The following SLC16A3 variants were observed in gnomAD, a reference collection of about 807,000 sequenced individuals.
SLC16A3 encodes the protein monocarboxylate transporter 4.
Under a neutral mutation model 25.0 loss-of-function variants are expected in SLC16A3, and 22 were observed. The ratio of observed to expected loss-of-function variants is 0.88; its 90% confidence interval spans 0.63 to 1.26. The LOEUF is 1.26. Among genes scored for constraint, SLC16A3 ranks in the 50% most tolerant of loss-of-function variants. The pLI is 0.00. For missense variants in SLC16A3, 731 were observed against 666.6 expected (o/e 1.10, Z -1.06); for synonymous variants, 390 against 309.2 (o/e 1.26, Z -2.74).
chr17:82,238,935 A>C lies in SLC16A3; in HGVS notation c.1357A>C (p.Lys453Gln), dbSNP rs1427874004. The change falls in exon 5 of 5, where the codon AAA (lysine) becomes CAA (glutamine). Residue 453 changes from lysine to glutamine, a missense_variant. By Grantham distance (53) the Lys-to-Gln change is moderately conservative. Transcript: ENST00000582743. ...GCATTTCCTGAAGGCTGAGCCTGAG[A>C]AAAACGGGGAGGTGGTTCACACCCC... ...VEHFLKAEPE[K>Q]NGEVVHTPET... 6.4e-7 allele frequency: 1 copy of C among 1,568,278 alleles called. No individual in the cohort carries two copies. Among genetic ancestry groups the C allele is most frequent in the Non-Finnish European group, 8.7e-7 (1 of 1,151,446 alleles).
Position 82,237,821 on chromosome 17 carries a change from A to G in SLC16A3, c.1051A>G (p.Lys351Glu). 2 of 1,609,342 alleles carry G rather than the reference A, an allele frequency of 1.2e-6. No homozygotes were observed. The highest frequency in any genetic ancestry group is 2.2e-5 in the East Asian group (1 of 44,876). The change falls in exon 4 of 5, where the codon AAG becomes GAG. Residue 351 changes from lysine (K) to glutamate (E), a missense_variant. By Grantham distance (56) the Lys-to-Glu change is moderately conservative. Coordinates refer to ENST00000582743, the MANE Select transcript of SLC16A3 (RefSeq NM_004207.4). ...GCTCATGGCCATCGTGGGCACCCAC[A>G]AGTTCTCCAGTGCCATTGGCCTGGT... ...EVLMAIVGTH[K>E]FSSAIGLVLL...
chr17:82,227,857 G>A (rs2050436899), upstream of SLC16A3, among the ~76,000 whole-genome samples: 1 of 152,218 alleles, frequency 6.6e-6, no homozygotes, highest in Non-Finnish European at 1.5e-5. Context: ...GTGAATGCCA[G>A]CGGGAGGGTG....
chr17:82,233,728 C>T (rs948111669), intron 1 of SLC16A3: 3 of 152,284 alleles, frequency 2.0e-5, no homozygotes, highest in African/African-American at 7.2e-5. Context: ...AAAGTGCAAA[C>T]TTGCAACCCC....
In SLC16A3 at chr17:82,238,940, C is replaced by A. The variant is rs112638041; in HGVS notation, c.1362C>A (p.Asn454Lys). The A allele has an allele frequency of 6.4e-7, 1 of 1,564,034 alleles. No homozygotes were observed. The highest frequency in any genetic ancestry group is 8.7e-7 in the Non-Finnish European group (1 of 1,148,854). The change falls in exon 5 of 5, where the codon AAC (asparagine) becomes AAA (lysine). Residue 454 changes from asparagine to lysine, a missense_variant. Asn to Lys is a moderately conservative substitution (Grantham distance 94). Coordinates refer to ENST00000582743, the MANE Select transcript of SLC16A3 (RefSeq NM_004207.4). ...TCCTGAAGGCTGAGCCTGAGAAAAACGGGGAGGTGGTTCACACCCCGGAAA... is the reference window on the plus strand; with the variant it reads ...TCCTGAAGGCTGAGCCTGAGAAAAAAGGGGAGGTGGTTCACACCCCGGAAA... ...EHFLKAEPEK[N>K]GEVVHTPETS...
chr17:82,230,555 G>C (rs1268111569), intron 1 of SLC16A3: 4 of 152,656 alleles, frequency 2.6e-5, no homozygotes, highest in African/African-American at 7.2e-5. Context: ...CAGCCGTCAG[G>C]CCGGACGGGT....
At position 82,237,753 on chromosome 17, in the gene SLC16A3, T is replaced by C. The variant is rs2050647407; in HGVS notation, c.983T>C (p.Phe328Ser). 6.2e-7 allele frequency: 1 copy of C among 1,612,074 alleles called. No homozygotes were observed. Among genetic ancestry groups the C allele is most frequent in the Non-Finnish European group, 8.5e-7 (1 of 1,179,982 alleles). The stretch of plus-strand genomic sequence containing the variant: ...GGCCTCGTGGTCTTCTGCATCTTCT[T>C]TGGCATCTCCTACGGCATGGTGGGG... ...YGGLVVFCIF[F>S]GISYGMVGAL... The change falls in exon 4 of 5, where the codon TTT (phenylalanine) becomes TCT (serine). Residue 328 changes from phenylalanine (F) to serine (S), a missense_variant. Coordinates refer to ENST00000582743, the MANE Select transcript of SLC16A3 (RefSeq NM_004207.4).
Position 82,237,826 on chromosome 17 carries a change from C to T in SLC16A3, c.1056C>T (p.Phe352=). The T allele has an allele frequency of 6.2e-7, 1 of 1,608,824 alleles. No homozygotes were observed. Among genetic ancestry groups the T allele is most frequent in the Non-Finnish European group, 8.5e-7 (1 of 1,179,928 alleles). Residue 352 remains phenylalanine (F), a synonymous_variant, in exon 4 of 5, where the codon TTC becomes TTT. Transcript: ENST00000582743. The part of the protein sequence containing the change: ...VLMAIVGTHK[F]SSAIGLVLLM... ...TGGCCATCGTGGGCACCCACAAGTTCTCCAGTGCCATTGGCCTGGTGCTGC... is the reference window on the plus strand; with the variant it reads ...TGGCCATCGTGGGCACCCACAAGTTTTCCAGTGCCATTGGCCTGGTGCTGC...
In SLC16A3 at chr17:82,237,393, C is replaced by CG. The variant is rs2050631596; in HGVS notation, c.627dup (p.Pro210AlafsTer65). 6.5e-7 allele frequency: 1 copy of CG among 1,548,094 alleles called. No individual in the cohort carries two copies. The highest frequency in any genetic ancestry group is 8.7e-7 in the Non-Finnish European group (1 of 1,145,924). ...CTGGTGGTCACGGCCCAGCCGGGCT[C>CG]GGGGCCGCCGCGACCCTCCCGGCGC... On this transcript the variant is annotated frameshift_variant, in exon 4 of 5. Transcript: ENST00000582743. LOFTEE classifies it high-confidence loss of function.
intron 1 of SLC16A3, among the ~76,000 whole-genome samples, chr17:82,232,921 G>C (rs969904725): frequency 8.6e-5 from 13 of 150,758 alleles, no homozygotes; most frequent in Non-Finnish European, 1.8e-4. Context: ...GGGGCGGCGG[G>C]GGGGGGGTTG....
chr17:82,236,132 G>T lies in SLC16A3; in HGVS notation c.124G>T (p.Val42Phe). 7 of 1,613,258 alleles carry T rather than the reference G, an allele frequency of 4.3e-6. No homozygotes were observed. The highest frequency in any genetic ancestry group is 5.9e-6 in the Non-Finnish European group (7 of 1,179,972). Residue 42 changes from valine to phenylalanine, a missense_variant, in exon 2 of 5, where the codon GTC becomes TTC. Physicochemically the swap from Val to Phe is conservative, Grantham distance 50 (BLOSUM62 -1). Transcript: ENST00000582743. ...TGFSYAFPKA[V>F]SVFFKELIQE... ...CTTCTCCTACGCCTTCCCCAAGGCC[G>T]TCAGTGTCTTCTTCAAGGAGCTCAT...
At chr17:82,234,549 C>T (rs955070296) in intron 1 of SLC16A3, 5 of 152,192 alleles carry the variant, frequency 3.3e-5, no homozygotes, top group South Asian at 2.1e-4. Context: ...ACAGTGACTT[C>T]GTGGAACACT....
chr17:82,234,584 C>G (rs1456194440), intron 1 of SLC16A3: 1 of 152,208 alleles, frequency 6.6e-6, no homozygotes, highest in East Asian at 1.9e-4. Flanking sequence ...AAACCATCCT[C>G]GGACCTCTGA....
In SLC16A3 at chr17:82,238,665, C is replaced by T. The variant is rs551250664; in HGVS notation, c.1124-37C>T. ...GGAGCCGTGGGCCCTGGGGGCAGCC[C>T]GCATGAGCGGCTGGGACTGACGGGG... On this transcript the variant is annotated intron_variant, in intron 4 of 4. Coordinates refer to ENST00000582743, the MANE Select transcript of SLC16A3 (RefSeq NM_004207.4). The T allele has an allele frequency of 3.0e-5, 47 of 1,580,298 alleles. No homozygotes were observed. In the East Asian group the frequency reaches 3.2e-4, roughly 11 times the overall value.
chr17:82,221,378 T>C (rs1015005784), intron 1 of SLC16A3, among the ~76,000 whole-genome samples: 2 of 151,628 alleles, frequency 1.3e-5, no homozygotes, highest in African/African-American at 2.4e-5. Flanking sequence ...CTGGGCAACA[T>C]GGTGAAACCC....
intron 3 of SLC16A3, 58 bp from the exon 4 acceptor site, chr17:82,237,080 A>G: frequency 6.8e-7 from 1 of 1,464,220 alleles, no homozygotes; most frequent in Non-Finnish European, 9.0e-7. Context: ...GGCAGAGATG[A>G]GGGTCTCGGG....
chr17:82,220,821 A>T (rs2050384753), intron 1 of SLC16A3, among the ~76,000 whole-genome samples: 3 of 151,812 alleles, frequency 2.0e-5, no homozygotes, highest in African/African-American at 4.8e-5. Flanking sequence ...AATTAATTTA[A>T]TTTATTTATT....
chr17:82,229,949 C>G (rs1000683100), intron 1 of SLC16A3: 3 of 152,514 alleles, frequency 2.0e-5, no homozygotes, highest in African/African-American at 7.2e-5. Flanking sequence ...TCCTCTCTGT[C>G]CCAGAGGCAT....
At chr17:82,226,823 TCTGTC>T (rs2050425305), upstream of SLC16A3, among the ~76,000 whole-genome samples, 1 of 152,128 alleles carries the variant, frequency 6.6e-6, no homozygotes, top group Admixed American at 6.5e-5. Context: ...AGCGTCCTGT[TCTGTC>T]CAGGCTCCGG....
Position 82,236,189 on chromosome 17 carries a change from G to A in SLC16A3, c.181G>A (p.Ala61Thr). 6.2e-7 allele frequency: 1 copy of A among 1,613,048 alleles called. No individual in the cohort carries two copies. Among genetic ancestry groups the A allele is most frequent in the Non-Finnish European group, 8.5e-7 (1 of 1,179,952 alleles). ...GTTTGGGATCGGCTACAGCGACACA[G>A]CCTGGATCTCCTCCATCCTGCTGGC... is the stretch of plus-strand genomic sequence containing the variant. The part of the protein sequence containing the change: ...QEFGIGYSDT[A>T]WISSILLAML... The change falls in exon 2 of 5, where the codon GCC becomes ACC. Residue 61 changes from alanine to threonine, a missense_variant. By Grantham distance (58) the Ala-to-Thr change is moderately conservative. Coordinates refer to ENST00000582743, the MANE Select transcript of SLC16A3 (RefSeq NM_004207.4).
Sources: allele counts gnomAD v4.1 joint callset (sites outside exome capture counted in the v4.1 genomes callset), GRCh38; gene constraint gnomAD v4.1.1; transcripts MANE v1.5; gene names NCBI Gene and HGNC (gene_info 2026-07-23, HGNC 2026-07-21).